DPP10: variants seen among roughly 807,000 people sequenced by gnomAD.
The protein encoded by DPP10 is inactive dipeptidyl peptidase 10.
Under a neutral mutation model 120.9 loss-of-function variants are expected in DPP10, and 33 were observed. That is an observed-to-expected ratio of 0.27 (90% confidence interval 0.21 to 0.37). DPP10 has a LOEUF of 0.37. Among genes scored for constraint, DPP10 ranks in the 10% least tolerant of loss-of-function variants. The pLI is 1.00. For missense variants in DPP10, 816 were observed against 942.8 expected (o/e 0.87, Z 1.76); for synonymous variants, 337 against 326.1 (o/e 1.03, Z -0.36).
At chr2:114,635,443 T>C (rs1573848650) in intron 1 of DPP10, among the ~76,000 whole-genome samples, 1 of 151,902 alleles carries the variant, frequency 6.6e-6, no homozygotes. Context: ...GCTATCTTGA[T>C]GGAAATAATT....
At chr2:115,027,936 C>T (rs1420017226) in intron 1 of DPP10, among the ~76,000 whole-genome samples, 1 of 152,036 alleles carries the variant, frequency 6.6e-6, no homozygotes. Context: ...CTTTGTATTT[C>T]TGTAGTTAGT....
intron 1 of DPP10, among the ~76,000 whole-genome samples, chr2:114,615,057 T>G (rs1423496075): frequency 6.6e-6 from 1 of 152,168 alleles, no homozygotes; most frequent in African/African-American, 2.4e-5. Context: ...AGTGAGTCCA[T>G]GGAATGTAGC....
intron 7 of DPP10, among the ~76,000 whole-genome samples, chr2:115,712,810 A>G (rs986958268): frequency 6.6e-6 from 1 of 151,738 alleles, no homozygotes; most frequent in Non-Finnish European, 1.5e-5. Flanking sequence ...AAGCCTACAA[A>G]TGAAAAAAAT....
At chr2:114,597,776 C>T (rs868635525) in intron 1 of DPP10, among the ~76,000 whole-genome samples, 1 of 151,890 alleles carries the variant, frequency 6.6e-6, no homozygotes, top group Non-Finnish European at 1.5e-5. Flanking sequence ...ATTCATGGCA[C>T]TTATGTTATT....
At chr2:115,066,367 A>G (rs932812660) in intron 1 of DPP10, among the ~76,000 whole-genome samples, 3 of 108,966 alleles carry the variant, frequency 2.8e-5, no homozygotes, top group African/African-American at 9.0e-5. Context: ...TTATTTATAC[A>G]TCAAGATTAT....
chr2:115,191,124 T>C (rs929382488), intron 1 of DPP10, among the ~76,000 whole-genome samples: 13 of 152,144 alleles, frequency 8.5e-5, no homozygotes, highest in Non-Finnish European at 1.8e-4. Flanking sequence ...GGAGCAGAGA[T>C]GGTAATCTGT....
chr2:115,364,451 G>A (rs568918150), intron 3 of DPP10, among the ~76,000 whole-genome samples: 97 of 152,162 alleles, frequency 6.4e-4, no homozygotes, highest in Middle Eastern at 3.4e-3. Flanking sequence ...AAGAGGAGCC[G>A]TTGTTGCTTG....
intron 1 of DPP10, among the ~76,000 whole-genome samples, chr2:115,133,372 A>C (rs2104802050): frequency 6.6e-6 from 1 of 151,826 alleles, no homozygotes; most frequent in East Asian, 1.9e-4. Flanking sequence ...AGGAAATTTA[A>C]GACCAAGGAA....
chr2:114,653,410 C>T (rs1696752070), intron 1 of DPP10, among the ~76,000 whole-genome samples: 1 of 152,152 alleles, frequency 6.6e-6, no homozygotes, highest in Non-Finnish European at 1.5e-5. Flanking sequence ...TTTTGGACTT[C>T]TATCCTCCAG....
intron 1 of DPP10, among the ~76,000 whole-genome samples, chr2:115,291,969 T>C (rs1193287153): frequency 6.6e-6 from 1 of 152,182 alleles, no homozygotes; most frequent in Admixed American, 6.5e-5. Context: ...AACCCAGAAC[T>C]GGAAAGTATT....
At chr2:115,436,092 T>G (rs938425930) in intron 3 of DPP10, among the ~76,000 whole-genome samples, 1 of 151,802 alleles carries the variant, frequency 6.6e-6, no homozygotes, top group Non-Finnish European at 1.5e-5. Context: ...ATAGTGGAAA[T>G]GTTAGGTCAA....
intron 1 of DPP10, among the ~76,000 whole-genome samples, chr2:115,305,507 A>G (rs746968988): frequency 3.3e-5 from 5 of 152,026 alleles, no homozygotes; most frequent in African/African-American, 1.2e-4. Flanking sequence ...CTGACACAGG[A>G]GGATTGCTTG....
At chr2:114,577,848 C>A (rs972493940) in intron 1 of DPP10, among the ~76,000 whole-genome samples, 1 of 152,162 alleles carries the variant, frequency 6.6e-6, no homozygotes, top group African/African-American at 2.4e-5. Flanking sequence ...TTTATTATCA[C>A]GTGACATTCT....
intron 1 of DPP10, among the ~76,000 whole-genome samples, chr2:114,528,943 C>T (rs1685731709): frequency 6.6e-6 from 1 of 152,004 alleles, no homozygotes; most frequent in Admixed American, 6.6e-5. Flanking sequence ...TCTGTTTGAC[C>T]CCTTTCCCCA....
intron 1 of DPP10, among the ~76,000 whole-genome samples, chr2:114,568,701 A>T (rs1186740645): frequency 1.3e-5 from 2 of 152,224 alleles, no homozygotes; most frequent in African/African-American, 4.8e-5. Flanking sequence ...AGTAAACGCG[A>T]TCATATTTAG....
In DPP10 at chr2:114,662,476, C is replaced by T. The variant is rs543058608; in HGVS notation, c.60+219638C>T. 1.1e-4 allele frequency among the ~76,000 whole-genome samples: 16 copies of T among 152,200 alleles called. No individual in the cohort carries two copies. The South Asian group carries it at 1.7e-3, about 16-fold the overall frequency. On this transcript the variant is annotated intron_variant, in intron 1 of 25. Coordinates refer to ENST00000410059, the MANE Select transcript of DPP10 (RefSeq NM_020868.6). Reference sequence around the variant, plus strand: ...GCTTGGACCTCGGCGTGAGACTTCGCGGGACGCAGACAACTTGAATGCGTG... The same window carrying T: ...GCTTGGACCTCGGCGTGAGACTTCGTGGGACGCAGACAACTTGAATGCGTG...
rs1231955468 is a variant in DPP10 at position 114,999,455 on chromosome 2, G to C, written c.61-309784G>C. 2.6e-5 allele frequency among the ~76,000 whole-genome samples: 4 copies of C among 152,098 alleles called. No homozygotes were observed. The East Asian group carries it at 7.7e-4, about 29-fold the overall frequency. On this transcript the variant is annotated intron_variant, in intron 1 of 25. Transcript: ENST00000410059. ...TCACTTCCTTGGTTAAATTCCAACT[G>C]AGGTTTCCTTTTGCCTGTTGTATAA...
chr2:115,186,880 A>C (rs2054477956), intron 1 of DPP10, among the ~76,000 whole-genome samples: 1 of 152,052 alleles, frequency 6.6e-6, no homozygotes, highest in African/African-American at 2.4e-5. Flanking sequence ...CCAGCAGGAC[A>C]CAGAAAGGAC....
intron 1 of DPP10, among the ~76,000 whole-genome samples, chr2:115,004,524 GC>G (rs1419663141): frequency 6.6e-6 from 1 of 152,184 alleles, no homozygotes; most frequent in Non-Finnish European, 1.5e-5. Context: ...CCGTGCGCGA[GC>G]CAAAGCAGGG....
Sources: allele counts gnomAD v4.1 joint callset (sites outside exome capture counted in the v4.1 genomes callset), GRCh38; gene constraint gnomAD v4.1.1; transcripts MANE v1.5; gene names NCBI Gene and HGNC (gene_info 2026-07-23, HGNC 2026-07-21).